Variants in SPATS2 observed in about 807,000 individuals in gnomAD.
SPATS2 encodes the protein spermatogenesis-associated serine-rich protein 2.
A neutral mutation model predicts 63.7 loss-of-function variants in SPATS2; 38 were observed. That is an observed-to-expected ratio of 0.60 (90% CI 0.46 to 0.78). SPATS2 has a LOEUF of 0.78. Among genes scored for constraint, SPATS2 ranks in the 30% least tolerant of loss-of-function variants. The pLI is 0.00. For synonymous variants in SPATS2, 207 were observed against 232.9 expected (o/e 0.89, Z 1.01); for missense variants, 588 against 666.2 (o/e 0.88, Z 1.29).
At chr12:49,430,348 G>A (rs980801477) in intron 2 of SPATS2, among the ~76,000 whole-genome samples, 2 of 149,514 alleles carry the variant, frequency 1.3e-5, no homozygotes, top group East Asian at 2.0e-4. Context: ...ATGATCCGCC[G>A]ACCTCGGCCT....
chr12:49,499,391 G>GTTATTTTGTT (rs1555191368), intron 8 of SPATS2, among the ~76,000 whole-genome samples: 344 of 146,546 alleles, frequency 2.3e-3, no homozygotes, highest in African/African-American at 5.3e-3. Flanking sequence ...GTTCTGCCTG[G>GTTATTTTGTT]TTGTTTTGTT....
intron 2 of SPATS2, among the ~76,000 whole-genome samples, chr12:49,447,497 A>T (rs1945535363): frequency 6.6e-6 from 1 of 152,190 alleles, no homozygotes. Context: ...TCGGCCTCCC[A>T]AAGTGCTGGG....
intron 9 of SPATS2, among the ~76,000 whole-genome samples, chr12:49,501,173 C>T (rs1257592853): frequency 6.6e-6 from 1 of 152,072 alleles, no homozygotes; most frequent in Non-Finnish European, 1.5e-5. Flanking sequence ...TTGCCCAGGC[C>T]AGTCTTGAAC....
intron 1 of SPATS2, among the ~76,000 whole-genome samples, chr12:49,368,599 T>G (rs990665854): frequency 3.9e-5 from 6 of 152,186 alleles, no homozygotes; most frequent in African/African-American, 1.4e-4. Context: ...TGGGAGAGAG[T>G]TGGGGTTCTG....
intron 2 of SPATS2, among the ~76,000 whole-genome samples, chr12:49,437,073 G>A (rs546493209): frequency 5.9e-5 from 9 of 151,990 alleles, no homozygotes; most frequent in South Asian, 4.2e-4. Context: ...CTTCCCAGAC[G>A]GAGTGGCTGC....
At chr12:49,407,728 A>G (rs186020690) in intron 2 of SPATS2, among the ~76,000 whole-genome samples, 2 of 152,276 alleles carry the variant, frequency 1.3e-5, no homozygotes, top group Admixed American at 1.3e-4. Context: ...ATTTATTCAA[A>G]TTTTAATTTA....
intron 9 of SPATS2, among the ~76,000 whole-genome samples, chr12:49,500,423 G>A (rs1946544888): frequency 6.6e-6 from 1 of 152,124 alleles, no homozygotes. Context: ...AAATGAGCTG[G>A]AGTTTAATAT....
chr12:49,431,820 C>T (rs1013832347), intron 2 of SPATS2, among the ~76,000 whole-genome samples: 6 of 151,978 alleles, frequency 3.9e-5, no homozygotes, highest in South Asian at 2.1e-4. Flanking sequence ...ATCACTTGAG[C>T]TCAGCAGTTT....
intron 8 of SPATS2, among the ~76,000 whole-genome samples, chr12:49,499,137 A>G (rs1007765294): frequency 2.0e-5 from 3 of 152,028 alleles, no homozygotes; most frequent in African/African-American, 4.8e-5. Context: ...ACTCAATTCT[A>G]TCATCTGTGT....
At chr12:49,508,767 C>T (rs1362869874) in intron 9 of SPATS2, among the ~76,000 whole-genome samples, 1 of 150,332 alleles carries the variant, frequency 6.7e-6, no homozygotes, top group African/African-American at 2.4e-5. Flanking sequence ...TTTCTGTAGC[C>T]AACTAAAAAC....
At chr12:49,492,367 C>T (rs1227137195) in intron 6 of SPATS2, among the ~76,000 whole-genome samples, 1 of 147,318 alleles carries the variant, frequency 6.8e-6, no homozygotes, top group Admixed American at 6.6e-5. Context: ...ACTACAGGTG[C>T]GTGCCACTGC....
At chr12:49,419,652 C>CTGGTT (rs1363400526) in intron 2 of SPATS2, among the ~76,000 whole-genome samples, 1 of 152,122 alleles carries the variant, frequency 6.6e-6, no homozygotes, top group Non-Finnish European at 1.5e-5. Flanking sequence ...ACATTGATTT[C>CTGGTT]TGGTTTGGGC....
At chr12:49,475,536 G>T (rs1946103219) in intron 3 of SPATS2, among the ~76,000 whole-genome samples, 1 of 152,160 alleles carries the variant, frequency 6.6e-6, no homozygotes, top group African/African-American at 2.4e-5. Flanking sequence ...CGCCTCCCTG[G>T]TTCAAGCAGT....
chr12:49,494,534 T>G (rs1005158244), intron 6 of SPATS2, among the ~76,000 whole-genome samples: 4 of 152,112 alleles, frequency 2.6e-5, no homozygotes, highest in Non-Finnish European at 5.9e-5. Flanking sequence ...TATTTATGTG[T>G]TTGAGTTTAT....
At chr12:49,520,885 A>C (rs1392760389) in intron 11 of SPATS2, among the ~76,000 whole-genome samples, 1 of 151,790 alleles carries the variant, frequency 6.6e-6, no homozygotes, top group African/African-American at 2.4e-5. Context: ...CGCCCTGCTA[A>C]TTTTTGTATT....
At chr12:49,368,142 G>A (rs547025264) in intron 1 of SPATS2, among the ~76,000 whole-genome samples, 6 of 152,282 alleles carry the variant, frequency 3.9e-5, no homozygotes, top group African/African-American at 9.6e-5. Flanking sequence ...AAAGCAGAAA[G>A]GTAGATTCAG....
intron 9 of SPATS2, among the ~76,000 whole-genome samples, chr12:49,513,502 T>C (rs1946787186): frequency 6.6e-6 from 1 of 152,188 alleles, no homozygotes; most frequent in South Asian, 2.1e-4. Context: ...TGGGCTCTTT[T>C]ATAACAACAT....
intron 2 of SPATS2, among the ~76,000 whole-genome samples, chr12:49,422,968 G>T (rs1180385363): frequency 6.6e-6 from 1 of 151,530 alleles, no homozygotes; most frequent in African/African-American, 2.4e-5. Context: ...AGATTAATTT[G>T]GTCTTTGATT....
At chr12:49,417,188 T>C (rs1432942494) in intron 2 of SPATS2, among the ~76,000 whole-genome samples, 1 of 152,228 alleles carries the variant, frequency 6.6e-6, no homozygotes, top group Non-Finnish European at 1.5e-5. Context: ...ATGATGCTTC[T>C]CTCTCAAAAG....
Sources: allele counts gnomAD v4.1 joint callset (sites outside exome capture counted in the v4.1 genomes callset), GRCh38; gene constraint gnomAD v4.1.1; transcripts MANE v1.5; gene names NCBI Gene and HGNC (gene_info 2026-07-23, HGNC 2026-07-21).